Variants in NBEAL1 observed in about 807,000 individuals in gnomAD.
NBEAL1 encodes the protein neurobeachin like 1.
A neutral mutation model predicts 351.3 loss-of-function variants in NBEAL1; 273 were observed. That is an observed-to-expected ratio of 0.78 (90% CI 0.70 to 0.86). NBEAL1 has a LOEUF of 0.86. Among genes scored for constraint, NBEAL1 ranks in the 40% least tolerant of loss-of-function variants. The probability of loss-of-function intolerance (pLI) is 0.00; values close to 1 mark genes in which losing one functional copy is unlikely to be tolerated. For synonymous variants in NBEAL1, 1,050 were observed against 1,086.4 expected, an observed-to-expected ratio of 0.97 and a Z score of 0.66; for missense variants, 2,961 against 3,201.3, an observed-to-expected ratio of 0.92 and a Z score of 1.81.
Position 203,172,012 on chromosome 2 carries a change from C to T in NBEAL1, c.6187C>T (p.Gln2063Ter). Residue 2063 changes from glutamine (Q) to a stop codon, truncating the protein, a stop_gained, in exon 40 of 56, where the codon CAG becomes TAG. Transcript: ENST00000683969. LOFTEE classifies it high-confidence loss of function. ...MAGRTYNDLA[Q>*]YPVFPWILQD... ...AGGACGAACCTATAATGACCTTGCA[C>T]AGTATCCTGTGGTAAGTTTTGCATA... is the stretch of plus-strand genomic sequence containing the variant. 1.3e-6 allele frequency: 2 copies of T among 1,589,746 alleles called. No individual in the cohort carries two copies. Among genetic ancestry groups the T allele is most frequent in the Non-Finnish European group, 1.7e-6 (2 of 1,170,552 alleles).
chr2:203,062,372 A>G lies in NBEAL1; in HGVS notation c.515+4919A>G. 1 of 474,076 alleles carries G rather than the reference A, an allele frequency of 2.1e-6. No homozygotes were observed. The highest frequency in any genetic ancestry group is 4.2e-6 in the Non-Finnish European group (1 of 237,974). 29.4% of individuals were successfully genotyped at this position (474,076 alleles called of 1,614,324 possible). The stretch of plus-strand genomic sequence containing the variant: ...CGCCCACTCCTGAGGGGTGAAGGTT[A>G]CAGCCACATCCTCAAAAGTCACTGA... On this transcript the variant is annotated intron_variant, in intron 6 of 55. Transcript: ENST00000683969. This position sits in a 1 kb window ranked among gnomAD's most constrained non-coding sequence, Gnocchi z 4.2.
rs749009516 is a variant in NBEAL1 at position 203,157,834 on chromosome 2, A to G, written c.5714+9A>G. The G allele has an allele frequency of 2.7e-5, 40 of 1,501,408 alleles. No homozygotes were observed. Among genetic ancestry groups the G allele is most frequent in the Non-Finnish European group, 3.4e-5 (38 of 1,129,000 alleles). 93.0% of individuals were successfully genotyped at this position (1,501,408 alleles called of 1,614,324 possible). ...ACAGCTAGAGTAAATGTGTATGTAT[A>G]AATATTTAAAATTATTTTGTTCTGA... On this transcript the variant is annotated intron_variant, in intron 36 of 55. Transcript: ENST00000683969.
intron 12 of NBEAL1, among the ~76,000 whole-genome samples, chr2:203,102,703 G>A (rs760456697): frequency 2.8e-4 from 42 of 152,138 alleles, no homozygotes; most frequent in Non-Finnish European, 4.9e-4. Flanking sequence ...GCTGGATTCT[G>A]TTTGCTAATG....
At chr2:203,030,642 A>G (rs2060935658) in intron 2 of NBEAL1, among the ~76,000 whole-genome samples, 1 of 152,218 alleles carries the variant, frequency 6.6e-6, no homozygotes, top group South Asian at 2.1e-4. Flanking sequence ...CTAGGACTTC[A>G]GGGGAAAGTG....
chr2:203,131,876 CAT>C (rs2063080872), intron 25 of NBEAL1, 95 bp from the exon 26 acceptor site: 2 of 822,872 alleles, frequency 2.4e-6, no homozygotes, highest in South Asian at 5.3e-5. Context: ...TAAATACTAA[CAT>C]TAATATTTAA....
chr2:203,026,243 A>G (rs1324324265), intron 2 of NBEAL1, among the ~76,000 whole-genome samples: 1 of 152,132 alleles, frequency 6.6e-6, no homozygotes, highest in African/African-American at 2.4e-5. Flanking sequence ...TAAATCATAG[A>G]TCAGTGTAAT....
chr2:203,109,879 T>C (rs1479278560), intron 14 of NBEAL1, among the ~76,000 whole-genome samples: 2 of 152,244 alleles, frequency 1.3e-5, no homozygotes, highest in Admixed American at 6.5e-5. Flanking sequence ...TGGAAGAATT[T>C]TAAAGATTTG....
chr2:203,188,542 C>T lies in NBEAL1; in HGVS notation c.6776C>T (p.Pro2259Leu), dbSNP rs1411934677. The T allele has an allele frequency of 6.2e-7, 1 of 1,609,534 alleles. No individual in the cohort carries two copies. Among genetic ancestry groups the T allele is most frequent in the Admixed American group, 1.7e-5 (1 of 59,272 alleles). ...ATCTTTGGCTATAAACAGAGGGGAC[C>T]AGCTGCAGTAGAGGCACTCAACGTT... ...DLIFGYKQRG[P>L]AAVEALNVFY... The change falls in exon 45 of 56, where the codon CCA becomes CTA. Residue 2259 changes from proline to leucine, a missense_variant. Physicochemically the swap from Pro to Leu is moderately conservative, Grantham distance 98. Transcript: ENST00000683969.
chr2:203,197,170 A>G (rs971108151), intron 47 of NBEAL1, 132 bp from the exon 48 acceptor site: 2 of 517,132 alleles, frequency 3.9e-6, no homozygotes, highest in Admixed American at 3.5e-5. Flanking sequence ...ATTTTAAATT[A>G]ATTGATTAGA....
At chr2:203,076,493 AC>A (rs60570396) in intron 7 of NBEAL1, among the ~76,000 whole-genome samples, 45,947 of 139,118 alleles carry the variant, frequency 0.33, 8,821 homozygotes, top group East Asian at 0.6. Context: ...AAACAAACAA[AC>A]AAAAAAAAAA....
chr2:203,116,123 C>A, intron 18 of NBEAL1, 53 bp downstream of exon 18: 1 of 1,212,606 alleles, frequency 8.2e-7, no homozygotes, highest in Non-Finnish European at 1.2e-6. Flanking sequence ...TTGTGAACTG[C>A]AGTTCCTTTT....
intron 12 of NBEAL1, among the ~76,000 whole-genome samples, chr2:203,105,092 C>T (rs996383203): frequency 3.9e-5 from 6 of 151,990 alleles, no homozygotes; most frequent in South Asian, 2.1e-4. Flanking sequence ...CTCCTGACCT[C>T]GTGATCTACC....
chr2:203,202,470 C>CA lies in NBEAL1; in HGVS notation c.7412-216dup, dbSNP rs541793252. Among the ~76,000 whole-genome samples, 319 of 152,260 alleles carry CA rather than the reference C, an allele frequency of 2.1e-3. 2 individuals carry two copies. Among genetic ancestry groups the CA allele is most frequent in the African/African-American group, 7.1e-3 (297 of 41,544 alleles). ...ACACTGCATGTCGACTTCTCATGCTCAGAGAAGGGGGATTTCAAAGAAAGC... is the reference window on the plus strand; with the variant it reads ...ACACTGCATGTCGACTTCTCATGCTCAAGAGAAGGGGGATTTCAAAGAAAGC... On this transcript the variant is annotated intron_variant, in intron 50 of 55. Coordinates refer to ENST00000683969, the MANE Select transcript of NBEAL1 (RefSeq NM_001378026.1).
At chr2:203,187,272 G>A (rs549536429) in intron 44 of NBEAL1, among the ~76,000 whole-genome samples, 1 of 150,912 alleles carries the variant, frequency 6.6e-6, no homozygotes, top group South Asian at 2.1e-4. Context: ...TGCCCAGGCT[G>A]GTCTTGAATT....
chr2:203,064,377 CCCA>C (rs1342934774), intron 6 of NBEAL1, among the ~76,000 whole-genome samples: 1 of 152,076 alleles, frequency 6.6e-6, no homozygotes, highest in Non-Finnish European at 1.5e-5. Context: ...AAAATGTCTC[CCCA>C]CGATTACTTA....
At chr2:203,022,552 CAT>C (rs1199342185) in intron 2 of NBEAL1, among the ~76,000 whole-genome samples, 1 of 152,022 alleles carries the variant, frequency 6.6e-6, no homozygotes, top group Non-Finnish European at 1.5e-5. Context: ...AATGGAAAAA[CAT>C]AACTATTTTA....
chr2:203,125,282 C>T, intron 19 of NBEAL1, 70 bp from the exon 20 acceptor site: 1 of 1,095,388 alleles, frequency 9.1e-7, no homozygotes, highest in Non-Finnish European at 1.3e-6. Flanking sequence ...TAACTTCATA[C>T]ATGTGAAGAT....
chr2:203,140,655 T>G (rs927624420), intron 31 of NBEAL1, among the ~76,000 whole-genome samples: 3 of 152,176 alleles, frequency 2.0e-5, no homozygotes, highest in Non-Finnish European at 4.4e-5. Context: ...AATGCAATTT[T>G]TAAATATATG....
intron 2 of NBEAL1, among the ~76,000 whole-genome samples, chr2:203,020,239 G>C (rs2060746340): frequency 6.6e-6 from 1 of 152,114 alleles, no homozygotes; most frequent in African/African-American, 2.4e-5. Context: ...TAAATTGTTA[G>C]AAACATGTGT....
Sources: gnomAD v4.1 joint callset for allele counts (sites outside exome capture counted in the v4.1 genomes callset) on GRCh38, gnomAD v4.1.1 for gene constraint, Gnocchi (gnomAD v3.1) non-coding constraint, MANE v1.5 for transcripts, NCBI Gene and HGNC (gene_info 2026-07-23, HGNC 2026-07-21) for gene names.